The following PHETA2 variants were observed in gnomAD, a reference collection of about 807,000 sequenced individuals.
PHETA2 encodes the protein sesquipedalian-2.
For missense variants in PHETA2, 321 were observed against 341.3 expected (o/e 0.94, Z 0.47); for synonymous variants, 133 against 142.9 (o/e 0.93, Z 0.50).
chr22:42,077,956 C>G lies in PHETA2; in HGVS notation c.663C>G (p.Thr221=). The G allele has an allele frequency of 6.2e-7, 1 of 1,611,470 alleles. No individual in the cohort carries two copies. Among genetic ancestry groups the G allele is most frequent in the South Asian group, 1.1e-5 (1 of 90,606 alleles). ...GKGQSPVSPE[T]SCFSTLHDWY... ...GGCAGAGCCCTGTGTCCCCTGAGAC[C>G]TCCTGCTTCTCTACCCTGCATGACT... is the stretch of plus-strand genomic sequence containing the variant. The change falls in exon 3 of 3, where the codon ACC becomes ACG. Residue 221 remains threonine (T), a synonymous_variant. Transcript: ENST00000321753.
Position 42,078,335 on chromosome 22 carries a change from C to A in PHETA2, c.*262C>A. 1 of 453,336 alleles carries A rather than the reference C, an allele frequency of 2.2e-6. No homozygotes were observed. Among genetic ancestry groups the A allele is most frequent in the Non-Finnish European group, 4.0e-6 (1 of 249,544 alleles). 28.1% of individuals were successfully genotyped at this position (453,336 alleles called of 1,614,324 possible). ...GACCCCAATCTCCTGACTGCACTGG[C>A]CTGACTGCCCCCTCCCAGGGGATGT... is the stretch of plus-strand genomic sequence containing the variant. On this transcript the variant is annotated 3_prime_UTR_variant, in exon 3 of 3. Transcript: ENST00000321753.
In PHETA2 at chr22:42,074,275, C is replaced by G. The variant is rs1162875459; in HGVS notation, c.-163C>G. On this transcript the variant is annotated 5_prime_UTR_variant, in exon 1 of 3. Coordinates refer to ENST00000321753, the MANE Select transcript of PHETA2 (RefSeq NM_001002034.3). ...CGGCTCCCGCGGCCACGTTGCAGCC[C>G]AGGCGGAGGCGCGGGATCTCGAGCT... 4 of 152,256 alleles carry G rather than the reference C, an allele frequency of 2.6e-5. No individual in the cohort carries two copies. Among genetic ancestry groups the G allele is most frequent in the Non-Finnish European group, 5.9e-5 (4 of 68,066 alleles). The allele number at this position is 152,256 out of a possible 1,614,324, so 9.4% of individuals were successfully genotyped here.
At position 42,077,379 on chromosome 22, in the gene PHETA2, G is replaced by T. The variant is rs774965754; in HGVS notation, c.86G>T (p.Gly29Val). 1.2e-6 allele frequency: 2 copies of T among 1,600,780 alleles called. No homozygotes were observed. Among genetic ancestry groups the T allele is most frequent in the Non-Finnish European group, 1.7e-6 (2 of 1,173,056 alleles). ...DHMGFLRTWG[G>V]PGTPPTPSGT... is the part of the protein sequence containing the mutation. ...ATGGGCTTCCTGCGCACCTGGGGGG[G>T]CCCAGGGACCCCACCGACCCCCAGT... is the stretch of plus-strand genomic sequence containing the variant. Residue 29 changes from glycine (G) to valine (V), a missense_variant, in exon 3 of 3, where the codon GGC (glycine) becomes GTC (valine). Gly to Val is a moderately radical substitution (Grantham distance 109, BLOSUM62 -3). Coordinates refer to ENST00000321753, the MANE Select transcript of PHETA2 (RefSeq NM_001002034.3).
intron 1 of PHETA2, among the ~76,000 whole-genome samples, chr22:42,074,659 A>G (rs1312584244): frequency 6.6e-6 from 1 of 152,086 alleles, no homozygotes; most frequent in Non-Finnish European, 1.5e-5. Flanking sequence ...GCCCTTCCCC[A>G]GACGCGGGGG....
chr22:42,077,964 T>TGA lies in PHETA2; in HGVS notation c.671_672insGA (p.Phe224LeufsTer55), dbSNP rs767148828. 6.2e-7 allele frequency: 1 copy of TGA among 1,611,654 alleles called. No homozygotes were observed. Among genetic ancestry groups the TGA allele is most frequent in the Non-Finnish European group, 8.5e-7 (1 of 1,179,022 alleles). On this transcript the variant is annotated frameshift_variant, in exon 3 of 3. Coordinates refer to ENST00000321753, the MANE Select transcript of PHETA2 (RefSeq NM_001002034.3). LOFTEE classifies it high-confidence loss of function. ...CCTGTGTCCCCTGAGACCTCCTGCT[T>TGA]CTCTACCCTGCATGACTGGTATGGC...
rs1433268162 is a variant in PHETA2 at position 42,077,298 on chromosome 22, A to G, written c.5A>G (p.Lys2Arg). 6.6e-7 allele frequency: 1 copy of G among 1,521,256 alleles called. No homozygotes were observed. The highest frequency in any genetic ancestry group is 8.8e-7 in the Non-Finnish European group (1 of 1,135,438). The allele number at this position is 1,521,256 out of a possible 1,614,324, so 94.2% of individuals were successfully genotyped here. ...CTCACAGTTCCCGTGGGAGCCATGAAGCTGAACGAGAGGAGTGTAGCCCAC... is the reference window on the plus strand; with the variant it reads ...CTCACAGTTCCCGTGGGAGCCATGAGGCTGAACGAGAGGAGTGTAGCCCAC... MKLNERSVAHYA... is the reference protein window; with the variant it reads MRLNERSVAHYA... Residue 2 changes from lysine to arginine, a missense_variant, in exon 3 of 3, where the codon AAG (lysine) becomes AGG (arginine). Transcript: ENST00000321753.
In PHETA2 at chr22:42,075,719, G is replaced by C. The variant is rs1246483372; in HGVS notation, c.-15+67G>C. 6.6e-6 allele frequency: 1 copy of C among 152,192 alleles called. No individual in the cohort carries two copies. Among genetic ancestry groups the C allele is most frequent in the Non-Finnish European group, 1.5e-5 (1 of 68,084 alleles). The allele number at this position is 152,192 out of a possible 1,614,324, so 9.4% of individuals were successfully genotyped here. On this transcript the variant is annotated intron_variant, in intron 2 of 2. Transcript: ENST00000321753. This position sits in a 1 kb window ranked among gnomAD's most constrained non-coding sequence, Gnocchi z 4.8. Reference sequence around the variant, plus strand: ...GCGTCTCATTGGCCATGTAACCTTGGGCAAGTTCCCCTCACTGCGCTGGGC... The same window carrying C: ...GCGTCTCATTGGCCATGTAACCTTGCGCAAGTTCCCCTCACTGCGCTGGGC...
chr22:42,077,007 G>T (rs1034115136), intron 2 of PHETA2, among the ~76,000 whole-genome samples: 8 of 152,144 alleles, frequency 5.3e-5, no homozygotes, highest in African/African-American at 1.2e-4. Context: ...CCCAGGTCCT[G>T]CCATGCCTCC....
Position 42,077,689 on chromosome 22 carries a change from G to A in PHETA2, c.396G>A (p.Glu132=), listed in dbSNP as rs1602505217. ...TGCGCCTGGTGGTACGCGAGTTGGA[G>A]AGCCAGTTGCAGGACGCACGCCAGA... ...GYMRLVVREL[E]SQLQDARQSL... Residue 132 remains glutamate, a synonymous_variant, in exon 3 of 3, where the codon GAG becomes GAA. Transcript: ENST00000321753. The A allele has an allele frequency of 1.9e-6, 3 of 1,614,184 alleles. No individual in the cohort carries two copies. The highest frequency in any genetic ancestry group is 2.2e-5 in the East Asian group (1 of 44,878).
rs1020681963 is a variant in PHETA2, at chr22:42,078,070, C to G, written c.777C>G (p.Pro259=). ...CAAAATGTGAGGAACAGGATAGGCC[C>G]TAAGTCTGGGCCCTTTGAGTCAGGA... ...SHSKCEEQDR[P] is the part of the protein sequence containing the mutation. Residue 259 remains proline (P), a synonymous_variant, in exon 3 of 3, where the codon CCC becomes CCG. Coordinates refer to ENST00000321753, the MANE Select transcript of PHETA2 (RefSeq NM_001002034.3). 5 of 1,568,958 alleles carry G rather than the reference C, an allele frequency of 3.2e-6. No individual in the cohort carries two copies. The Admixed American group carries it at 9.6e-5, about 30-fold the overall frequency.
In PHETA2 at chr22:42,078,393, G is replaced by A. The variant is rs996932383; in HGVS notation, c.*320G>A. 33 of 349,528 alleles carry A rather than the reference G, an allele frequency of 9.4e-5. No individual in the cohort carries two copies. The highest frequency in any genetic ancestry group is 2.7e-4 in the Admixed American group (6 of 22,068). The allele number at this position is 349,528 out of a possible 1,614,324, so 21.7% of individuals were successfully genotyped here. ...ATGAAGGAAGTGGGGAATGTCACCCGAGACTGTCACAGGCTTGCCATACCT... is the reference window on the plus strand; with the variant it reads ...ATGAAGGAAGTGGGGAATGTCACCCAAGACTGTCACAGGCTTGCCATACCT... On this transcript the variant is annotated 3_prime_UTR_variant, in exon 3 of 3. Coordinates refer to ENST00000321753, the MANE Select transcript of PHETA2 (RefSeq NM_001002034.3).
Position 42,078,195 on chromosome 22 carries a change from T to A in PHETA2, c.*122T>A. The stretch of plus-strand genomic sequence containing the variant: ...TTCTCTCCTTCCTGCTATTTAGGCA[T>A]TCTCCAGGTTCGAGATCCACCCGTG... On this transcript the variant is annotated 3_prime_UTR_variant, in exon 3 of 3. Coordinates refer to ENST00000321753, the MANE Select transcript of PHETA2 (RefSeq NM_001002034.3). The A allele has an allele frequency of 8.5e-7, 1 of 1,175,448 alleles. No individual in the cohort carries two copies. The highest frequency in any genetic ancestry group is 2.7e-5 in the East Asian group (1 of 36,526). 72.8% of individuals were successfully genotyped at this position (1,175,448 alleles called of 1,614,324 possible). A position where few individuals can be genotyped will look rare whatever the true frequency, so the allele number is the denominator to read the frequency against.
chr22:42,077,837 G>C lies in PHETA2; in HGVS notation c.544G>C (p.Val182Leu). The change falls in exon 3 of 3, where the codon GTG becomes CTG. Residue 182 changes from valine (V) to leucine (L), a missense_variant. By Grantham distance (32) the Val-to-Leu change is conservative (BLOSUM62 1). Coordinates refer to ENST00000321753, the MANE Select transcript of PHETA2 (RefSeq NM_001002034.3). Reference sequence around the variant, plus strand: ...CTGCCTCTCCAAGGACAGCAGCCCTGTGGGCTTGGTTGAAGAAGCGGGCAG... The same window carrying C: ...CTGCCTCTCCAAGGACAGCAGCCCTCTGGGCTTGGTTGAAGAAGCGGGCAG... ...GHCLSKDSSP[V>L]GLVEEAGSRS... is the part of the protein sequence containing the mutation. 1 of 1,613,268 alleles carries C rather than the reference G, an allele frequency of 6.2e-7. No individual in the cohort carries two copies. The highest frequency in any genetic ancestry group is 8.5e-7 in the Non-Finnish European group (1 of 1,179,902).
chr22:42,076,994 G>A (rs748894229), intron 2 of PHETA2, among the ~76,000 whole-genome samples: 6 of 152,102 alleles, frequency 3.9e-5, no homozygotes, highest in Non-Finnish European at 7.4e-5. Context: ...TTAGAAAGCC[G>A]TGCCCAGGTC....
chr22:42,078,169 G>A lies in PHETA2; in HGVS notation c.*96G>A. 1 of 1,369,226 alleles carries A rather than the reference G, an allele frequency of 7.3e-7. No individual in the cohort carries two copies. 84.8% of individuals were successfully genotyped at this position (1,369,226 alleles called of 1,614,324 possible). A position where few individuals can be genotyped will look rare whatever the true frequency, so the allele number is the denominator to read the frequency against. On this transcript the variant is annotated 3_prime_UTR_variant, in exon 3 of 3. Transcript: ENST00000321753. ...GGTTGCGTTTTGGGAGGGGACATGG[G>A]TTCTCTCCTTCCTGCTATTTAGGCA...
rs1037018508 is a variant in PHETA2 at position 42,079,405 on chromosome 22, C to T, written c.*1332C>T. 10 of 272,742 alleles carry T rather than the reference C, an allele frequency of 3.7e-5. No individual in the cohort carries two copies. Among genetic ancestry groups the T allele is most frequent in the African/African-American group, 1.8e-4 (8 of 45,038 alleles). The allele number at this position is 272,742 out of a possible 1,614,324, so 16.9% of individuals were successfully genotyped here. ...TCTTATTGCTACAGTGTTTTGTACA[C>T]GGTTAAAACACTAGTAAAGCTTTTT... On this transcript the variant is annotated 3_prime_UTR_variant, in exon 3 of 3. Transcript: ENST00000321753.
chr22:42,076,146 T>G, intron 2 of PHETA2: 1 of 220,308 alleles, frequency 4.5e-6, no homozygotes, highest in East Asian at 1.1e-4. Context: ...ATCACGCTCA[T>G]GAACTACAAA....
chr22:42,075,151 G>T lies in PHETA2; in HGVS notation c.-96-420G>T, dbSNP rs919523822. 6.6e-6 allele frequency among the ~76,000 whole-genome samples: 1 copy of T among 152,118 alleles called. No homozygotes were observed. The highest frequency in any genetic ancestry group is 1.5e-5 in the Non-Finnish European group (1 of 68,024). On this transcript the variant is annotated intron_variant, in intron 1 of 2. Transcript: ENST00000321753. The surrounding 1 kb of genome is among the most constrained non-coding windows in gnomAD (Gnocchi z 4.8). The stretch of plus-strand genomic sequence containing the variant: ...TGCTGTAAACACATATGACATCGTC[G>T]TGGGATGAAGGAAACAAACCAGAAA...
chr22:42,077,167 G>A (rs548982279), intron 2 of PHETA2, 113 bp from the exon 3 acceptor site: 9 of 933,410 alleles, frequency 9.6e-6, no homozygotes, highest in South Asian at 5.6e-5. Context: ...CACAGCAAGC[G>A]AGTAGGAGTC....
Sources: allele counts gnomAD v4.1 joint callset (sites outside exome capture counted in the v4.1 genomes callset), GRCh38; gene constraint gnomAD v4.1.1; non-coding constraint Gnocchi (gnomAD v3.1); transcripts MANE v1.5; gene names NCBI Gene and HGNC (gene_info 2026-07-23, HGNC 2026-07-21).